The following HTR1E variants were observed in gnomAD, a reference collection of about 807,000 sequenced individuals.
HTR1E encodes the protein 5-hydroxytryptamine receptor 1E, also known as 5-HT-1E.
In HTR1E, 3 loss-of-function variants were observed where a neutral mutation model predicts 3.4. That is an observed-to-expected ratio of 0.89 (90% CI 0.41 to 2.31). HTR1E has a LOEUF of 2.31. Among genes scored for constraint, HTR1E ranks in the 30% most tolerant of loss-of-function variants. The pLI, the probability that HTR1E is intolerant of heterozygous loss-of-function variation, is 0.05. For synonymous variants in HTR1E, 170 were observed against 182.8 expected (o/e 0.93, Z 0.56); for missense variants, 392 against 467.0 (o/e 0.84, Z 1.48).
At chr6:86,994,172 A>C (rs1767906082) in intron 1 of HTR1E, among the ~76,000 whole-genome samples, 3 of 152,204 alleles carry the variant, frequency 2.0e-5, no homozygotes, top group African/African-American at 7.2e-5. Flanking sequence ...CATCCATGTC[A>C]GTGGAGTCTC....
At chr6:86,958,425 C>A (rs1767355421) in intron 1 of HTR1E, among the ~76,000 whole-genome samples, 2 of 152,152 alleles carry the variant, frequency 1.3e-5, no homozygotes, top group South Asian at 4.2e-4. Context: ...GCCCTCTCAT[C>A]TTCCAGTCTG....
intron 1 of HTR1E, among the ~76,000 whole-genome samples, chr6:86,946,973 A>G (rs761625512): frequency 2.0e-5 from 3 of 152,136 alleles, no homozygotes; most frequent in Non-Finnish European, 2.9e-5. Context: ...AAAATTAGCC[A>G]TGCGTGGTGG....
rs546271572 is a variant in HTR1E, at chr6:87,016,304, G to C, written c.970G>C (p.Glu324Gln). Residue 324 changes from glutamate to glutamine, a missense_variant, in exon 2 of 2, where the codon GAA becomes CAA. Glu to Gln is a conservative substitution (Grantham distance 29, BLOSUM62 2). Coordinates refer to ENST00000305344, the MANE Select transcript of HTR1E (RefSeq NM_000865.3). ...TCTGAGCATCTACACCGTGTCCTCG[G>C]AAGTGGCCGACTTTCTGACGTGGCT... ...VGLSIYTVSS[E>Q]VADFLTWLGY... is the part of the protein sequence containing the mutation. The C allele has an allele frequency of 7.4e-6, 12 of 1,614,194 alleles. No homozygotes were observed. The South Asian group carries it at 1.3e-4, about 18-fold the overall frequency.
intron 1 of HTR1E, among the ~76,000 whole-genome samples, chr6:86,966,572 G>C (rs1767474443): frequency 6.6e-6 from 1 of 152,166 alleles, no homozygotes; most frequent in African/African-American, 2.4e-5. Context: ...ATCTCCTCCT[G>C]TTTTGAGGTA....
chr6:86,945,552 G>C (rs1581774), intron 1 of HTR1E, among the ~76,000 whole-genome samples: 3 of 151,746 alleles, frequency 2.0e-5, no homozygotes, highest in African/African-American at 7.2e-5. Flanking sequence ...ACAAAAAAGT[G>C]TGAAAAGGAA....
At chr6:86,986,873 G>C (rs190914300) in intron 1 of HTR1E, among the ~76,000 whole-genome samples, 173 of 152,156 alleles carry the variant, frequency 1.1e-3, no homozygotes, top group Non-Finnish European at 2.0e-3. Flanking sequence ...GAAAGTTCAC[G>C]GGGGGTAAGA....
At chr6:87,010,167 GC>G (rs1768189511) in intron 1 of HTR1E, among the ~76,000 whole-genome samples, 1 of 124,592 alleles carries the variant, frequency 8.0e-6, no homozygotes, top group East Asian at 2.8e-4. Flanking sequence ...CCCGGACGGG[GC>G]GGCTGGCCGG....
chr6:87,010,136 G>A (rs1362191208), intron 1 of HTR1E, among the ~76,000 whole-genome samples: 4 of 129,844 alleles, frequency 3.1e-5, no homozygotes, highest in African/African-American at 9.1e-5. Context: ...AGGGGCGGCC[G>A]GGCAGAGGCG....
chr6:86,953,540 C>T lies in HTR1E; in HGVS notation c.-186+15717C>T, dbSNP rs149984262. 2.3e-4 allele frequency among the ~76,000 whole-genome samples: 35 copies of T among 152,228 alleles called. No individual in the cohort carries two copies. In the East Asian group the frequency reaches 2.5e-3, roughly 11 times the overall value. On this transcript the variant is annotated intron_variant, in intron 1 of 1. Transcript: ENST00000305344. ...ACTAGGCCATGTGGCTCTCAACATC[C>T]GGGATGCTACACTAGGCATCTTCAC...
intron 1 of HTR1E, among the ~76,000 whole-genome samples, chr6:87,009,595 T>C (rs1452479865): frequency 2.8e-4 from 41 of 145,844 alleles, no homozygotes; most frequent in African/African-American, 1.0e-3. Context: ...CCAGACGGGG[T>C]GGTGGCCGGG....
intron 1 of HTR1E, among the ~76,000 whole-genome samples, chr6:86,946,767 T>C (rs190890856): frequency 1.4e-4 from 22 of 152,296 alleles, no homozygotes; most frequent in Admixed American, 7.2e-4. Context: ...ACACATTAGA[T>C]ATGCTGCCCT....
chr6:86,965,428 T>C (rs1246437991), intron 1 of HTR1E, among the ~76,000 whole-genome samples: 1 of 152,206 alleles, frequency 6.6e-6, no homozygotes, highest in Admixed American at 6.5e-5. Context: ...TTTATTCATC[T>C]GGGAAGTTCT....
At chr6:86,982,684 G>C (rs951200073) in intron 1 of HTR1E, among the ~76,000 whole-genome samples, 14 of 152,168 alleles carry the variant, frequency 9.2e-5, no homozygotes, top group Non-Finnish European at 1.5e-4. Flanking sequence ...AAAATGAAAA[G>C]ATCCTGAGCT....
At chr6:86,956,756 T>C (rs1227567341) in intron 1 of HTR1E, among the ~76,000 whole-genome samples, 1 of 152,196 alleles carries the variant, frequency 6.6e-6, no homozygotes. Context: ...AAAACCTGAT[T>C]TTCTTGGTCA....
At chr6:86,983,677 A>C (rs1767744516) in intron 1 of HTR1E, among the ~76,000 whole-genome samples, 1 of 152,194 alleles carries the variant, frequency 6.6e-6, no homozygotes, top group South Asian at 2.1e-4. Context: ...GAATGTTTCC[A>C]ACACAAAGAA....
chr6:87,003,939 T>G (rs1402669039), intron 1 of HTR1E, among the ~76,000 whole-genome samples: 1 of 151,796 alleles, frequency 6.6e-6, no homozygotes, highest in Non-Finnish European at 1.5e-5. Context: ...ACAACTGATG[T>G]CAGAGAAATT....
At chr6:87,013,019 C>T (rs1768260764) in intron 1 of HTR1E, among the ~76,000 whole-genome samples, 1 of 152,164 alleles carries the variant, frequency 6.6e-6, no homozygotes, top group African/African-American at 2.4e-5. Flanking sequence ...AATGGAGGAA[C>T]CAGATCCAAA....
intron 1 of HTR1E, chr6:86,971,003 GC>G: frequency 2.2e-6 from 1 of 447,004 alleles, no homozygotes; most frequent in Non-Finnish European, 4.3e-6. Flanking sequence ...GGCATCATCT[GC>G]TTGGAGGATC....
At chr6:86,979,128 A>C (rs1767678001) in intron 1 of HTR1E, among the ~76,000 whole-genome samples, 1 of 152,212 alleles carries the variant, frequency 6.6e-6, no homozygotes, top group Admixed American at 6.5e-5. Flanking sequence ...AGATGGCTTA[A>C]TTTGTACAGA....
Sources: gnomAD v4.1 joint callset for allele counts (sites outside exome capture counted in the v4.1 genomes callset) on GRCh38, gnomAD v4.1.1 for gene constraint, MANE v1.5 for transcripts, NCBI Gene and HGNC (gene_info 2026-07-23, HGNC 2026-07-21) for gene names.